The following CHAT variants were observed in gnomAD, a reference collection of about 807,000 sequenced individuals.
CHAT encodes the protein choline O-acetyltransferase.
Under a neutral mutation model 76.9 loss-of-function variants are expected in CHAT, and 61 were observed. The observed-to-expected ratio is 0.79, with a 90% CI of 0.65 to 0.98. CHAT has a LOEUF of 0.98. Among genes scored for constraint, CHAT ranks in the 50% least tolerant of loss-of-function variants. The pLI, the probability that CHAT is intolerant of heterozygous loss-of-function variation, is 0.00. For synonymous variants in CHAT, 407 were observed against 397.4 expected, an observed-to-expected ratio of 1.02 and a Z score of -0.29; for missense variants, 946 against 986.9, an observed-to-expected ratio of 0.96 and a Z score of 0.56.
upstream of CHAT, chr10:49,612,097 C>T (rs1164131003): frequency 1.9e-6 from 3 of 1,613,248 alleles, no homozygotes; most frequent in South Asian, 1.1e-5. Flanking sequence ...GCAGCTCAGC[C>T]TTGGCATGGG....
chr10:49,630,514 G>T (rs998413793), intron 7 of CHAT, among the ~76,000 whole-genome samples: 2 of 152,176 alleles, frequency 1.3e-5, no homozygotes, highest in Non-Finnish European at 2.9e-5. Context: ...ACAGCAGAAA[G>T]AAATTGTCGA....
At chr10:49,641,913 C>G (rs1404447874) in intron 7 of CHAT, among the ~76,000 whole-genome samples, 2 of 152,192 alleles carry the variant, frequency 1.3e-5, no homozygotes, top group Non-Finnish European at 2.9e-5. Context: ...CAGCCCTGCA[C>G]AGAGAGAGAT....
chr10:49,632,373 G>A (rs1190264731), intron 7 of CHAT, among the ~76,000 whole-genome samples: 1 of 152,144 alleles, frequency 6.6e-6, no homozygotes, highest in African/African-American at 2.4e-5. Flanking sequence ...GTGGCTGTTG[G>A]GGCTGAGGTG....
At chr10:49,627,578 A>G in intron 6 of CHAT, 30 bp from the exon 7 acceptor site, 1 of 1,612,954 alleles carries the variant, frequency 6.2e-7, no homozygotes, top group Non-Finnish European at 8.5e-7. Flanking sequence ...CCACCCAACA[A>G]GTGACATGTT....
chr10:49,622,142 G>C lies in CHAT; in HGVS notation c.744G>C (p.Leu248=), dbSNP rs752976973. 3 of 1,562,502 alleles carry C rather than the reference G, an allele frequency of 1.9e-6. No homozygotes were observed. Among genetic ancestry groups the C allele is most frequent in the Non-Finnish European group, 2.6e-6 (3 of 1,152,288 alleles). ...CTGGTGTACTCAGCTACAAGGCCCT[G>C]CTGGACAGGTAGGACTGGGAGGGTG... ...LISGVLSYKA[L]LDSHSIPTDC... Residue 248 remains leucine, a synonymous_variant, in exon 5 of 15, where the codon CTG becomes CTC. Transcript: ENST00000337653.
upstream of CHAT, chr10:49,612,775 A>G (rs1170016846): frequency 1.7e-5 from 3 of 173,990 alleles, no homozygotes; most frequent in Non-Finnish European, 3.6e-5. Flanking sequence ...GCCAGAGCAG[A>G]GGGGAGGGTG....
chr10:49,614,649 G>A (rs1838416261), intron 1 of CHAT, among the ~76,000 whole-genome samples, 174 bp downstream of exon 1: 1 of 152,202 alleles, frequency 6.6e-6, no homozygotes, highest in Non-Finnish European at 1.5e-5. Context: ...GCAGGATTGC[G>A]TTGCTTCGGT....
chr10:49,645,700 G>A (rs547033694), intron 7 of CHAT, among the ~76,000 whole-genome samples: 10 of 152,256 alleles, frequency 6.6e-5, no homozygotes, highest in South Asian at 2.1e-4. Flanking sequence ...CCTGACTCCC[G>A]CTCCTGAAGA....
At chr10:49,610,772 G>T (rs8187732), upstream of CHAT, 2 of 1,560,196 alleles carry the variant, frequency 1.3e-6, no homozygotes, top group Admixed American at 2.0e-5. Flanking sequence ...GGCCAGGCCC[G>T]GGCGGCGGCC....
At chr10:49,648,478 G>A in intron 8 of CHAT, 29 bp from the exon 9 acceptor site, 1 of 1,589,636 alleles carries the variant, frequency 6.3e-7, no homozygotes, top group Middle Eastern at 1.7e-4. Flanking sequence ...ACTCTCCCAT[G>A]ATCGCCCACT....
At chr10:49,662,547 G>A in intron 13 of CHAT, 98 bp from the exon 14 acceptor site, 1 of 1,499,036 alleles carries the variant, frequency 6.7e-7, no homozygotes, top group Non-Finnish European at 9.2e-7. Flanking sequence ...AGCCGTGGCT[G>A]CTGGAGTCAC....
intron 10 of CHAT, among the ~76,000 whole-genome samples, chr10:49,650,076 G>A (rs573917500): frequency 6.6e-6 from 1 of 152,066 alleles, no homozygotes; most frequent in Non-Finnish European, 1.5e-5. Context: ...AGGCCCTAAC[G>A]GGACCCAGGC....
intron 10 of CHAT, chr10:49,651,643 C>T (rs1180842606): frequency 1.6e-5 from 8 of 504,490 alleles, no homozygotes; most frequent in African/African-American, 3.9e-5. Flanking sequence ...AGAGCAGGGC[C>T]GACACCCCAC....
At chr10:49,615,904 G>T in intron 1 of CHAT, 1 of 794,208 alleles carries the variant, frequency 1.3e-6, no homozygotes, top group African/African-American at 1.7e-5. Context: ...AGCAGGCCCA[G>T]AGTCTCCCTG....
Position 49,648,513 on chromosome 10 carries a change from G to A in CHAT, c.1288G>A (p.Val430Met), listed in dbSNP as rs745991038. The A allele has an allele frequency of 2.4e-5, 38 of 1,613,586 alleles. No homozygotes were observed. The highest frequency in any genetic ancestry group is 2.7e-5 in the Non-Finnish European group (32 of 1,179,762). ...TCCCTCTTTCCTGTTGCAGTTTGTG[G>A]TGGGCCGAGACGGCACCTGCGGTGT... ...RWYDKSLQFVVGRDGTCGVVC... is the reference protein window; with the variant it reads ...RWYDKSLQFVMGRDGTCGVVC... The change falls in exon 9 of 15, where the codon GTG (valine) becomes ATG (methionine). Residue 430 changes from valine to methionine, a missense_variant. Around this residue, in one of 3 missense-constraint regions of CHAT, gnomAD observed 49 missense variants for 76.7 expected, o/e 0.64. Coordinates refer to ENST00000337653, the MANE Select transcript of CHAT (RefSeq NM_020549.5).
chr10:49,631,041 T>G (rs1839101183), intron 7 of CHAT, among the ~76,000 whole-genome samples: 1 of 152,204 alleles, frequency 6.6e-6, no homozygotes, highest in Non-Finnish European at 1.5e-5. Context: ...TAATTAACAT[T>G]GTTATGTGAT....
chr10:49,619,679 G>A (rs1324175099), intron 2 of CHAT, 46 bp from the exon 3 acceptor site: 4 of 1,581,762 alleles, frequency 2.5e-6, no homozygotes, highest in Non-Finnish European at 8.6e-7. Context: ...GACAGGCATG[G>A]GGCGCACATA....
chr10:49,621,792 C>G (rs1216791349), intron 4 of CHAT, among the ~76,000 whole-genome samples: 1 of 152,064 alleles, frequency 6.6e-6, no homozygotes, highest in African/African-American at 2.4e-5. Flanking sequence ...ACTCGACCCC[C>G]AGTTCTCACC....
rs542610160 is a variant in CHAT at position 49,616,541 on chromosome 10, C to T, written c.326C>T (p.Thr109Met). ...LCIPAPGLTKTPILEKVPRKM... is the reference protein window; with the variant it reads ...LCIPAPGLTKMPILEKVPRKM... ...ATCCCTGCACCAGGACTCACCAAGA[C>T]GCCCATCCTGGAAAAGGTCCCCCGT... The change falls in exon 2 of 15, where the codon ACG becomes ATG. Residue 109 changes from threonine (T) to methionine (M), a missense_variant. Physicochemically the swap from Thr to Met is moderately conservative, Grantham distance 81 (BLOSUM62 -1). Coordinates refer to ENST00000337653, the MANE Select transcript of CHAT (RefSeq NM_020549.5). 160 of 1,613,232 alleles carry T rather than the reference C, an allele frequency of 9.9e-5. No individual in the cohort carries two copies. Among genetic ancestry groups the T allele is most frequent in the African/African-American group, 2.0e-4 (15 of 74,990 alleles).
Sources: allele counts gnomAD v4.1 joint callset (sites outside exome capture counted in the v4.1 genomes callset), GRCh38; gene constraint gnomAD v4.1.1; regional missense constraint gnomAD v4.1.1; transcripts MANE v1.5; gene names NCBI Gene and HGNC (gene_info 2026-07-23, HGNC 2026-07-21).